Variants in CACNB2 observed in about 807,000 individuals in gnomAD.
CACNB2 encodes the protein calcium voltage-gated channel auxiliary subunit beta 2, also known as voltage-dependent L-type calcium channel subunit beta-2.
In CACNB2, 42 loss-of-function variants were observed where a neutral mutation model predicts 73.3. That is an observed-to-expected ratio of 0.57 (90% CI 0.45 to 0.74). The LOEUF (loss-of-function observed/expected upper bound fraction) is 0.74. Among genes scored for constraint, CACNB2 ranks in the 30% least tolerant of loss-of-function variants. CACNB2 has a pLI of 0.00. For missense variants in CACNB2, 940 were observed against 853.0 expected, an observed-to-expected ratio of 1.10 and a Z score of -1.27; for synonymous variants, 348 against 310.3, an observed-to-expected ratio of 1.12 and a Z score of -1.28.
chr10:18,292,442 G>C (rs542319464), intron 2 of CACNB2, among the ~76,000 whole-genome samples: 64 of 152,294 alleles, frequency 4.2e-4, no homozygotes, highest in African/African-American at 1.4e-3. Flanking sequence ...CAGATCACGA[G>C]GTCAAGAGTT....
chr10:18,141,339 G>C (rs2030379179), intron 1 of CACNB2: 1 of 877,166 alleles, frequency 1.1e-6, no homozygotes, highest in Non-Finnish European at 1.9e-6. Context: ...AGGTGGGCAG[G>C]AGGGGAGCGA....
intron 2 of CACNB2, among the ~76,000 whole-genome samples, chr10:18,401,616 C>T (rs2044001657): frequency 6.6e-6 from 1 of 152,158 alleles, no homozygotes; most frequent in South Asian, 2.1e-4. Context: ...CATCGTTGTC[C>T]TTCAGTTCTG....
intron 2 of CACNB2, among the ~76,000 whole-genome samples, chr10:18,211,594 G>T (rs570157204): frequency 6.6e-6 from 1 of 151,990 alleles, no homozygotes; most frequent in Non-Finnish European, 1.5e-5. Flanking sequence ...TATTATACAC[G>T]TGTATCTCTT....
intron 2 of CACNB2, among the ~76,000 whole-genome samples, chr10:18,201,780 C>G (rs561154710): frequency 1.0e-3 from 152 of 152,234 alleles, no homozygotes; most frequent in Admixed American, 2.2e-3. Context: ...TGTAACCATC[C>G]TGCAGTCTTC....
intron 2 of CACNB2, among the ~76,000 whole-genome samples, chr10:18,285,134 C>A (rs2038730398): frequency 6.6e-6 from 1 of 152,164 alleles, no homozygotes; most frequent in Non-Finnish European, 1.5e-5. Flanking sequence ...CACATCTGGT[C>A]TCCAGAGATG....
intron 2 of CACNB2, among the ~76,000 whole-genome samples, chr10:18,327,743 A>T (rs1186780384): frequency 6.6e-6 from 1 of 152,088 alleles, no homozygotes; most frequent in Non-Finnish European, 1.5e-5. Flanking sequence ...TCATGTTTTC[A>T]ATGACCACAT....
chr10:18,265,088 T>C (rs2037730749), intron 2 of CACNB2, among the ~76,000 whole-genome samples: 1 of 152,008 alleles, frequency 6.6e-6, no homozygotes, highest in South Asian at 2.1e-4. Flanking sequence ...GCTGTGCATT[T>C]CCCTGATAAC....
chr10:18,474,916 A>T (rs2048363974), intron 3 of CACNB2, among the ~76,000 whole-genome samples: 1 of 151,740 alleles, frequency 6.6e-6, no homozygotes, highest in Non-Finnish European at 1.5e-5. Flanking sequence ...CCCACTTCAG[A>T]TGCCAGTCGC....
intron 2 of CACNB2, among the ~76,000 whole-genome samples, chr10:18,294,661 G>T (rs145629777): frequency 2.0e-5 from 3 of 152,374 alleles, no homozygotes; most frequent in African/African-American, 7.2e-5. Context: ...AACAGAGTCA[G>T]CCACGGGGAA....
At chr10:18,335,466 G>C (rs1227369305) in intron 2 of CACNB2, among the ~76,000 whole-genome samples, 2 of 152,128 alleles carry the variant, frequency 1.3e-5, no homozygotes, top group African/African-American at 4.8e-5. Context: ...GGCGGAGCAT[G>C]CCTTTAATCC....
chr10:18,379,895 C>T (rs2042944338), intron 2 of CACNB2, among the ~76,000 whole-genome samples: 1 of 152,178 alleles, frequency 6.6e-6, no homozygotes, highest in African/African-American at 2.4e-5. Flanking sequence ...CCATGTTACA[C>T]AGGCTGGTCT....
At position 18,394,192 on chromosome 10, in the gene CACNB2, G is replaced by C. The variant is rs373072298; in HGVS notation, c.214-7732G>C. The stretch of plus-strand genomic sequence containing the variant: ...CAGGCTGGTCTCGAATTCCTGACCT[G>C]GTGATCTGCCTGCCTCGGCCTCCCA... On this transcript the variant is annotated intron_variant, in intron 2 of 13. Transcript: ENST00000324631. Among the ~76,000 whole-genome samples, 31 of 152,152 alleles carry C rather than the reference G, an allele frequency of 2.0e-4. No homozygotes were observed. In the South Asian group the frequency reaches 6.2e-3, roughly 31 times the overall value.
intron 2 of CACNB2, among the ~76,000 whole-genome samples, chr10:18,214,626 CAAAAAAAAAAA>C (rs751930257): frequency 1.3e-4 from 2 of 15,106 alleles, no homozygotes; most frequent in Non-Finnish European, 3.1e-4. Flanking sequence ...GACTCCATCT[CAAAAAAAAAAA>C]AAAAAAAAAA....
rs368905179 is a variant in CACNB2, at chr10:18,483,266, C to T, written c.334-15089C>T. On this transcript the variant is annotated intron_variant, in intron 3 of 13. Transcript: ENST00000324631. ...ACAGAACAGGCTGGGCACAGTGGCT[C>T]ATGCCTGTAATCCCAGCACTTTGGG... Among the ~76,000 whole-genome samples, 60 of 150,922 alleles carry T rather than the reference C, an allele frequency of 4.0e-4. No individual in the cohort carries two copies. The East Asian group carries it at 8.4e-3, about 21-fold the overall frequency.
intron 2 of CACNB2, among the ~76,000 whole-genome samples, chr10:18,317,601 G>A (rs2040241338): frequency 6.6e-6 from 1 of 152,288 alleles, no homozygotes; most frequent in African/African-American, 2.4e-5. Context: ...TCCTGTGGGT[G>A]TATATGTATC....
chr10:18,151,558 G>C (rs1451052419), intron 2 of CACNB2, among the ~76,000 whole-genome samples: 1 of 152,110 alleles, frequency 6.6e-6, no homozygotes, highest in African/African-American at 2.4e-5. Flanking sequence ...CCCCTAAACA[G>C]ACAGTGCCAG....
At chr10:18,496,691 G>T (rs969722179) in intron 3 of CACNB2, among the ~76,000 whole-genome samples, 8 of 149,022 alleles carry the variant, frequency 5.4e-5, no homozygotes, top group African/African-American at 1.5e-4. Flanking sequence ...GCGGGTGCCT[G>T]TAATCCCAGC....
At chr10:18,431,343 C>G (rs2045881103) in intron 3 of CACNB2, among the ~76,000 whole-genome samples, 1 of 152,128 alleles carries the variant, frequency 6.6e-6, no homozygotes, top group South Asian at 2.1e-4. Flanking sequence ...CTTCTTCATC[C>G]ATTCACATTT....
intron 2 of CACNB2, among the ~76,000 whole-genome samples, chr10:18,313,355 C>T (rs955109447): frequency 4.7e-5 from 7 of 150,444 alleles, no homozygotes; most frequent in African/African-American, 1.7e-4. Flanking sequence ...TTAGCAGCGT[C>T]CCTGGCCCCT....
Sources: gnomAD v4.1 joint callset for allele counts (sites outside exome capture counted in the v4.1 genomes callset) on GRCh38, gnomAD v4.1.1 for gene constraint, MANE v1.5 for transcripts, NCBI Gene and HGNC (gene_info 2026-07-23, HGNC 2026-07-21) for gene names.